The following DACH2 variants were observed in gnomAD, a reference collection of about 807,000 sequenced individuals.
The protein encoded by DACH2 is dachshund family transcription factor 2.
A neutral mutation model predicts 35.8 loss-of-function variants in DACH2; 17 were observed. The ratio of observed to expected loss-of-function variants is 0.48; its 90% CI spans 0.33 to 0.71. The LOEUF is 0.71. Among genes scored for constraint, DACH2 ranks in the 30% least tolerant of loss-of-function variants. DACH2 has a pLI of 0.02. For missense variants in DACH2, 469 were observed against 472.7 expected (o/e 0.99, Z 0.07); for synonymous variants, 195 against 177.3 (o/e 1.10, Z -0.79).
intron 3 of DACH2, among the ~76,000 whole-genome samples, chrX:86,613,246 T>C (rs1301350323): frequency 9.0e-6 from 1 of 111,533 alleles, no homozygotes; most frequent in African/African-American, 3.3e-5. Flanking sequence ...TTAAAAAATA[T>C]ATCTGTGTCT....
chrX:86,645,550 G>A lies in DACH2; in HGVS notation c.641-5486G>A, dbSNP rs192332630. Among the ~76,000 whole-genome samples, 221 of 110,633 alleles carry A rather than the reference G, an allele frequency of 2.0e-3. 2 individuals are homozygous for A. Among genetic ancestry groups the A allele is most frequent in the African/African-American group, 6.8e-3 (207 of 30,548 alleles). On this transcript the variant is annotated intron_variant, in intron 3 of 11. Coordinates refer to ENST00000373125, the MANE Select transcript of DACH2 (RefSeq NM_053281.3). ...TTTGACCCAGCAATGCTATTACTGG[G>A]TATATACCCAGAAGAATATAAAGCA...
intron 4 of DACH2, among the ~76,000 whole-genome samples, chrX:86,656,028 CT>C (rs1302311849): frequency 1.3e-5 from 1 of 76,508 alleles, no homozygotes; most frequent in Non-Finnish European, 2.7e-5. Context: ...AGAAATAAAG[CT>C]CCCCCCCCCC....
chrX:86,576,021 A>G (rs1169943038), intron 3 of DACH2, among the ~76,000 whole-genome samples: 2 of 112,433 alleles, frequency 1.8e-5, no homozygotes, highest in African/African-American at 6.5e-5. Flanking sequence ...TTCAAAAGAA[A>G]CACAATGTAA....
chrX:86,656,855 GTGTATATATATA>G (rs1380476757), intron 4 of DACH2, among the ~76,000 whole-genome samples: 8 of 62,028 alleles, frequency 1.3e-4, no homozygotes, highest in African/African-American at 5.7e-4. Flanking sequence ...ATGTGTGTGT[GTGTATATATATA>G]TATATATATA....
intron 11 of DACH2, among the ~76,000 whole-genome samples, chrX:86,826,503 A>C (rs1159292472): frequency 9.0e-6 from 1 of 111,280 alleles, no homozygotes; most frequent in African/African-American, 3.3e-5. Context: ...AAAAAAAATG[A>C]TTCCAAAATA....
intron 1 of DACH2, among the ~76,000 whole-genome samples, chrX:86,166,284 CT>C (rs753999224): frequency 5.9e-4 from 65 of 110,824 alleles, no homozygotes; most frequent in South Asian, 3.0e-3. Flanking sequence ...TCTAGTTTTG[CT>C]TTTTTGGTTA....
At chrX:86,675,591 G>C (rs1261356109) in intron 4 of DACH2, among the ~76,000 whole-genome samples, 1 of 111,222 alleles carries the variant, frequency 9.0e-6, no homozygotes, top group Non-Finnish European at 1.9e-5. Context: ...GGCTGACATA[G>C]AAGGATCAGC....
At chrX:86,232,108 T>C (rs1159287864) in intron 1 of DACH2, among the ~76,000 whole-genome samples, 1 of 111,847 alleles carries the variant, frequency 8.9e-6, no homozygotes, top group Non-Finnish European at 1.9e-5. Flanking sequence ...CAAGCAACCC[T>C]GGGCATGTTG....
chrX:86,636,835 G>T (rs908521837), intron 3 of DACH2, among the ~76,000 whole-genome samples: 10 of 109,922 alleles, frequency 9.1e-5, no homozygotes, highest in African/African-American at 3.3e-4. Context: ...AAAAGCAATT[G>T]CAACAAAAAC....
intron 6 of DACH2, among the ~76,000 whole-genome samples, chrX:86,715,463 G>T (rs974738108): frequency 1.8e-5 from 2 of 110,836 alleles, no homozygotes; most frequent in South Asian, 7.6e-4. Context: ...ATTATCATAT[G>T]AACTAGGGTT....
intron 1 of DACH2, among the ~76,000 whole-genome samples, chrX:86,203,191 C>G (rs1488371604): frequency 9.0e-6 from 1 of 111,089 alleles, no homozygotes; most frequent in Non-Finnish European, 1.9e-5. Flanking sequence ...ATTATTTCAA[C>G]AAAATTGGGT....
At chrX:86,319,650 C>A (rs1170543950) in intron 1 of DACH2, among the ~76,000 whole-genome samples, 1 of 111,862 alleles carries the variant, frequency 8.9e-6, no homozygotes, top group Non-Finnish European at 1.9e-5. Flanking sequence ...ATAATTTAGA[C>A]CACATATTTA....
At chrX:86,219,598 A>G (rs1402105957) in intron 1 of DACH2, among the ~76,000 whole-genome samples, 2 of 111,578 alleles carry the variant, frequency 1.8e-5, no homozygotes, top group African/African-American at 6.5e-5. Context: ...ATTATATATA[A>G]CGTAATAAAT....
intron 2 of DACH2, among the ~76,000 whole-genome samples, chrX:86,469,528 CT>C (rs2148220543): frequency 9.0e-6 from 1 of 110,657 alleles, no homozygotes; most frequent in African/African-American, 3.3e-5. Context: ...TTGATATTGT[CT>C]AGTATATTGG....
At chrX:86,334,208 A>G (rs997132554) in intron 1 of DACH2, among the ~76,000 whole-genome samples, 7 of 112,245 alleles carry the variant, frequency 6.2e-5, no homozygotes, top group African/African-American at 2.3e-4. Flanking sequence ...CAGTGCCACA[A>G]TAAACATAAG....
At chrX:86,725,639 G>A (rs767897802) in intron 6 of DACH2, among the ~76,000 whole-genome samples, 8 of 111,317 alleles carry the variant, frequency 7.2e-5, no homozygotes, top group African/African-American at 2.3e-4. Flanking sequence ...GGGCCTCCAG[G>A]TAGCTTGTTC....
intron 5 of DACH2, among the ~76,000 whole-genome samples, chrX:86,708,267 G>A (rs763195849): frequency 4.5e-5 from 5 of 110,236 alleles, no homozygotes; most frequent in South Asian, 3.9e-4. Context: ...TCTATTCATC[G>A]TTATACTGGA....
chrX:86,438,802 T>C (rs1336776307), intron 2 of DACH2, among the ~76,000 whole-genome samples: 1 of 112,558 alleles, frequency 8.9e-6, no homozygotes, highest in Non-Finnish European at 1.9e-5. Flanking sequence ...GTTGAACCAA[T>C]TTACAACTCC....
intron 2 of DACH2, among the ~76,000 whole-genome samples, chrX:86,480,372 T>C (rs1350873682): frequency 8.9e-6 from 1 of 112,071 alleles, no homozygotes; most frequent in Non-Finnish European, 1.9e-5. Flanking sequence ...GGTGAAATGA[T>C]ACAAGCACCC....
Sources: gnomAD v4.1 joint callset for allele counts (sites outside exome capture counted in the v4.1 genomes callset) on GRCh38, gnomAD v4.1.1 for gene constraint, MANE v1.5 for transcripts, NCBI Gene and HGNC (gene_info 2026-07-23, HGNC 2026-07-21) for gene names.